The following CACNB2 variants were observed in gnomAD, a reference collection of about 807,000 sequenced individuals.
CACNB2 encodes calcium voltage-gated channel auxiliary subunit beta 2, also known as voltage-dependent L-type calcium channel subunit beta-2.
CACNB2 carries 42 observed loss-of-function variants against 73.3 expected under a neutral mutation model. The observed-to-expected ratio is 0.57, with a 90% CI of 0.45 to 0.74. The LOEUF (loss-of-function observed/expected upper bound fraction) is 0.74, where lower values mean the gene tolerates loss of function less well. Among genes scored for constraint, CACNB2 ranks in the 30% least tolerant of loss-of-function variants. The pLI, the probability that CACNB2 is intolerant of heterozygous loss-of-function variation, is 0.00. For synonymous variants in CACNB2, 348 were observed against 310.3 expected, an observed-to-expected ratio of 1.12 and a Z score of -1.28; for missense variants, 940 against 853.0, an observed-to-expected ratio of 1.10 and a Z score of -1.27.
chr10:18,419,784 A>T (rs567962969), intron 3 of CACNB2, among the ~76,000 whole-genome samples: 1 of 152,310 alleles, frequency 6.6e-6, no homozygotes, highest in Non-Finnish European at 1.5e-5. Flanking sequence ...GCTGGCTTAT[A>T]TGGGTTATTA....
intron 3 of CACNB2, among the ~76,000 whole-genome samples, chr10:18,407,105 C>CTTTTTTTT (rs2044330298): frequency 1.8e-5 from 1 of 57,020 alleles, no homozygotes; most frequent in South Asian, 1.0e-3. Flanking sequence ...ACCTGCTGTT[C>CTTTTTTTT]TGTCTTTTTT....
intron 2 of CACNB2, among the ~76,000 whole-genome samples, chr10:18,202,128 T>G (rs1311315584): frequency 6.6e-6 from 1 of 152,212 alleles, no homozygotes; most frequent in East Asian, 1.9e-4. Context: ...GTACATGCTT[T>G]GGACCCTTAA....
intron 2 of CACNB2, among the ~76,000 whole-genome samples, chr10:18,167,637 A>G (rs979264380): frequency 1.3e-5 from 2 of 152,190 alleles, no homozygotes; most frequent in African/African-American, 2.4e-5. Context: ...GCAACTCAGT[A>G]CCTGCATGAT....
intron 6 of CACNB2, among the ~76,000 whole-genome samples, chr10:18,511,495 A>C (rs1008185505): frequency 6.6e-6 from 1 of 152,252 alleles, no homozygotes; most frequent in African/African-American, 2.4e-5. Flanking sequence ...TGAGCAGTTC[A>C]GCTTGTGTAT....
chr10:18,389,267 G>T (rs1420204367), intron 2 of CACNB2, among the ~76,000 whole-genome samples: 1 of 152,140 alleles, frequency 6.6e-6, no homozygotes, highest in Non-Finnish European at 1.5e-5. Flanking sequence ...TTCCCAAGTA[G>T]CTAGGACTGC....
chr10:18,180,339 G>C (rs1416659152), intron 2 of CACNB2, among the ~76,000 whole-genome samples: 1 of 152,108 alleles, frequency 6.6e-6, no homozygotes, highest in Non-Finnish European at 1.5e-5. Context: ...CATTGCACTA[G>C]ATGAAATGTT....
intron 3 of CACNB2, among the ~76,000 whole-genome samples, chr10:18,439,213 G>A (rs2046298018): frequency 1.3e-5 from 2 of 152,314 alleles, no homozygotes; most frequent in Admixed American, 1.3e-4. Flanking sequence ...TGCATTTCAC[G>A]AGATGCTGAA....
At chr10:18,464,902 G>A (rs1026443824) in intron 3 of CACNB2, among the ~76,000 whole-genome samples, 1 of 152,272 alleles carries the variant, frequency 6.6e-6, no homozygotes, top group Non-Finnish European at 1.5e-5. Context: ...CCAAGAGGAA[G>A]GAGTCCAGGT....
intron 5 of CACNB2, among the ~76,000 whole-genome samples, chr10:18,505,659 G>T (rs1315289423): frequency 6.6e-6 from 1 of 152,116 alleles, no homozygotes; most frequent in African/African-American, 2.4e-5. Flanking sequence ...AATGTAAAAT[G>T]TTCTTCTTAT....
At chr10:18,155,917 A>G (rs866118756) in intron 2 of CACNB2, among the ~76,000 whole-genome samples, 1 of 149,510 alleles carries the variant, frequency 6.7e-6, no homozygotes, top group Admixed American at 6.7e-5. Flanking sequence ...ATATATATAT[A>G]TATGTCAATA....
At chr10:18,449,415 C>CA (rs1564562426) in intron 3 of CACNB2, among the ~76,000 whole-genome samples, 1 of 151,918 alleles carries the variant, frequency 6.6e-6, no homozygotes, top group African/African-American at 2.4e-5. Flanking sequence ...CACACAACAA[C>CA]AAAAAACAGA....
intron 2 of CACNB2, among the ~76,000 whole-genome samples, chr10:18,173,496 T>A (rs1411232047): frequency 6.6e-6 from 1 of 152,210 alleles, no homozygotes; most frequent in Non-Finnish European, 1.5e-5. Context: ...GAGAGATGTA[T>A]TCCTGGTTGA....
chr10:18,416,110 ATGTT>A (rs1362523868), intron 3 of CACNB2, among the ~76,000 whole-genome samples: 1 of 152,024 alleles, frequency 6.6e-6, no homozygotes, highest in Non-Finnish European at 1.5e-5. Context: ...ATCTTACTGT[ATGTT>A]TGTACCCTTT....
At chr10:18,216,139 A>C (rs2035502456) in intron 2 of CACNB2, among the ~76,000 whole-genome samples, 1 of 151,890 alleles carries the variant, frequency 6.6e-6, no homozygotes, top group Non-Finnish European at 1.5e-5. Flanking sequence ...CAACTAAAAA[A>C]AAAAAAAAAT....
At chr10:18,169,503 A>T (rs561728838) in intron 2 of CACNB2, among the ~76,000 whole-genome samples, 1 of 152,336 alleles carries the variant, frequency 6.6e-6, no homozygotes, top group African/African-American at 2.4e-5. Flanking sequence ...AAAATTAGTG[A>T]TAACAGGCAT....
At chr10:18,303,252 C>T (rs2039596261) in intron 2 of CACNB2, among the ~76,000 whole-genome samples, 1 of 152,148 alleles carries the variant, frequency 6.6e-6, no homozygotes, top group African/African-American at 2.4e-5. Context: ...CCTGTAATCC[C>T]AGCACTTCGG....
chr10:18,315,592 C>T (rs943935658), intron 2 of CACNB2, among the ~76,000 whole-genome samples: 1 of 143,138 alleles, frequency 7.0e-6, no homozygotes, highest in Non-Finnish European at 1.5e-5. Flanking sequence ...TGCTCTGGAG[C>T]CTGAGGTGGG....
In CACNB2 at chr10:18,540,079, A is replaced by G. The variant is rs1564681223; in HGVS notation, c.*355A>G. On this transcript the variant is annotated 3_prime_UTR_variant, in exon 14 of 14. Coordinates refer to ENST00000324631, the MANE Select transcript of CACNB2 (RefSeq NM_201596.3). ...ATCCAACAAGCCAGAATCAGCACAG[A>G]TAAAAAGTGGAATTTCTTGTTTCTC... 1 of 206,868 alleles carries G rather than the reference A, an allele frequency of 4.8e-6. No homozygotes were observed. Among genetic ancestry groups the G allele is most frequent in the African/African-American group, 2.3e-5 (1 of 42,812 alleles). 12.8% of individuals were successfully genotyped at this position (206,868 alleles called of 1,614,324 possible).
At chr10:18,279,154 C>A in intron 2 of CACNB2, among the ~76,000 whole-genome samples, 1 of 152,216 alleles carries the variant, frequency 6.6e-6, no homozygotes, top group East Asian at 1.9e-4. Context: ...TTAATCAAAT[C>A]TGAAAGGATT....
Sources: gnomAD v4.1 joint callset for allele counts (sites outside exome capture counted in the v4.1 genomes callset) on GRCh38, gnomAD v4.1.1 for gene constraint, MANE v1.5 for transcripts, NCBI Gene and HGNC (gene_info 2026-07-23, HGNC 2026-07-21) for gene names.